The following LRRC8C variants were observed in gnomAD, a reference collection of about 807,000 sequenced individuals.
The protein encoded by LRRC8C is volume-regulated anion channel subunit LRRC8C.
A neutral mutation model predicts 55.3 loss-of-function variants in LRRC8C; 20 were observed. The ratio of observed to expected loss-of-function variants is 0.36; its 90% CI spans 0.25 to 0.53. The LOEUF is 0.53. Ranked by LOEUF, LRRC8C falls within the 20% of genes least tolerant of loss-of-function variation. LRRC8C has a pLI of 0.92. For missense variants in LRRC8C, 659 were observed against 951.4 expected (o/e 0.69, Z 4.04); for synonymous variants, 376 against 360.7 (o/e 1.04, Z -0.48).
At chr1:89,629,728 C>T (rs970162335), upstream of LRRC8C, 8 of 152,216 alleles carry the variant, frequency 5.3e-5, no homozygotes, top group African/African-American at 1.9e-4. Context: ...CCTGGAGAGG[C>T]TCCCAGACTC....
chr1:89,642,457 G>A (rs2101182220), intron 1 of LRRC8C, among the ~76,000 whole-genome samples: 1 of 152,346 alleles, frequency 6.6e-6, no homozygotes, highest in Non-Finnish European at 1.5e-5. Flanking sequence ...GCTCCTGCCT[G>A]TAATCCCAGC....
At chr1:89,675,878 C>T (rs1387347108) in intron 1 of LRRC8C, among the ~76,000 whole-genome samples, 1 of 152,026 alleles carries the variant, frequency 6.6e-6, no homozygotes, top group Non-Finnish European at 1.5e-5. Context: ...GAGAGCTGAG[C>T]CATTTCTGAG....
intron 2 of LRRC8C, among the ~76,000 whole-genome samples, chr1:89,704,576 T>A (rs549113621): frequency 6.6e-6 from 1 of 152,188 alleles, no homozygotes; most frequent in Admixed American, 6.5e-5. Context: ...ACACCAAACT[T>A]ATCAGGGCTC....
At chr1:89,645,970 T>TAGATAGATAGAA (rs1441327769) in intron 1 of LRRC8C, among the ~76,000 whole-genome samples, 1 of 151,898 alleles carries the variant, frequency 6.6e-6, no homozygotes, top group Non-Finnish European at 1.5e-5. Flanking sequence ...GATAGATAGA[T>TAGATAGATAGAA]AGATAGATAG....
intron 2 of LRRC8C, among the ~76,000 whole-genome samples, chr1:89,711,020 C>T (rs949644620): frequency 2.0e-5 from 3 of 152,100 alleles, no homozygotes; most frequent in Non-Finnish European, 4.4e-5. Flanking sequence ...AATTAATGCC[C>T]ATGACTTTAT....
intron 1 of LRRC8C, among the ~76,000 whole-genome samples, chr1:89,654,082 G>A (rs982103098): frequency 1.3e-5 from 2 of 152,114 alleles, no homozygotes; most frequent in African/African-American, 4.8e-5. Flanking sequence ...ATTCATCCAT[G>A]GAAAAGGATG....
Position 89,712,957 on chromosome 1 carries a change from C to T in LRRC8C, c.387C>T (p.Tyr129=), listed in dbSNP as rs761764133. The stretch of plus-strand genomic sequence containing the variant: ...ACTGGTATGCCAAGTATTTCCCTTA[C>T]CTTGTCCTCATCCATACCCTGGTCT... ...ALHWYAKYFP[Y]LVLIHTLVFM... Residue 129 remains tyrosine, a synonymous_variant, in exon 3 of 3, where the codon TAC becomes TAT. Coordinates refer to ENST00000370454, the MANE Select transcript of LRRC8C (RefSeq NM_032270.5). 1 of 1,613,654 alleles carries T rather than the reference C, an allele frequency of 6.2e-7. No homozygotes were observed. The highest frequency in any genetic ancestry group is 8.5e-7 in the Non-Finnish European group (1 of 1,180,024).
At chr1:89,643,601 T>C (rs1323047538) in intron 1 of LRRC8C, among the ~76,000 whole-genome samples, 1 of 152,264 alleles carries the variant, frequency 6.6e-6, no homozygotes, top group Admixed American at 6.5e-5. Flanking sequence ...GTAAAGTTTA[T>C]GTAAATGATC....
the LRRC8C span, among the ~76,000 whole-genome samples, chr1:89,617,528 C>G: frequency 6.6e-6 from 1 of 152,330 alleles, no homozygotes; most frequent in East Asian, 1.9e-4. Flanking sequence ...TCCATTGCAG[C>G]TATGCTATAC....
intron 2 of LRRC8C, chr1:89,706,313 G>A (rs1279587854): frequency 2.2e-6 from 1 of 456,156 alleles, no homozygotes; most frequent in Admixed American, 2.3e-5. Context: ...CAGTTTCTCT[G>A]AAGCTAAGTG....
chr1:89,641,584 G>A (rs1056262217), intron 1 of LRRC8C, among the ~76,000 whole-genome samples: 1 of 151,898 alleles, frequency 6.6e-6, no homozygotes, highest in Non-Finnish European at 1.5e-5. Context: ...TCTCAATTTA[G>A]ACAGTCTTTG....
chr1:89,659,054 TTTTTTTTTGTGTG>T (rs1422927976), intron 1 of LRRC8C, among the ~76,000 whole-genome samples: 9 of 88,898 alleles, frequency 1.0e-4, no homozygotes, highest in Middle Eastern at 5.6e-3. Context: ...CCAGGTTTTT[TTTTTTTTTGTGTG>T]TGTGTGTGTG....
intron 1 of LRRC8C, among the ~76,000 whole-genome samples, chr1:89,640,291 C>T (rs1656418395): frequency 6.6e-6 from 1 of 152,164 alleles, no homozygotes; most frequent in Non-Finnish European, 1.5e-5. Flanking sequence ...GCTTGAACTC[C>T]TGACCCCATG....
chr1:89,619,027 G>A, the LRRC8C span, among the ~76,000 whole-genome samples: 20 of 152,184 alleles, frequency 1.3e-4, no homozygotes, highest in Non-Finnish European at 2.6e-4. Flanking sequence ...ACAAATTTAT[G>A]AGGGATTTGA....
rs991805660 is a variant in LRRC8C at position 89,715,469 on chromosome 1, A to T, written c.*487A>T. On this transcript the variant is annotated 3_prime_UTR_variant, in exon 3 of 3. Transcript: ENST00000370454. ...AGACCTTCATTCAGTGGAACTTCAC[A>T]TAAGTGCATTGTCATAGAGTATTTT... 4 of 152,438 alleles carry T rather than the reference A, an allele frequency of 2.6e-5. No homozygotes were observed. Among genetic ancestry groups the T allele is most frequent in the African/African-American group, 9.7e-5 (4 of 41,444 alleles). The allele number at this position is 152,438 out of a possible 1,614,324, so 9.4% of individuals were successfully genotyped here. A position where few individuals can be genotyped will look rare whatever the true frequency, so the allele number is the denominator to read the frequency against.
intron 1 of LRRC8C, among the ~76,000 whole-genome samples, chr1:89,686,042 T>A (rs1657872227): frequency 7.1e-6 from 1 of 141,308 alleles, no homozygotes. Flanking sequence ...CACTTAAAAA[T>A]GGTTTAAAGC....
chr1:89,685,075 G>A (rs1374040364), intron 1 of LRRC8C, among the ~76,000 whole-genome samples: 1 of 143,888 alleles, frequency 6.9e-6, no homozygotes, highest in Admixed American at 6.9e-5. Context: ...TTGCTTTTAT[G>A]TGGGATGTTT....
intron 1 of LRRC8C, among the ~76,000 whole-genome samples, chr1:89,643,550 T>C (rs897009063): frequency 1.3e-5 from 2 of 152,272 alleles, no homozygotes; most frequent in African/African-American, 4.8e-5. Context: ...AGTGGAGTTA[T>C]ATACAAAAAG....
intron 1 of LRRC8C, among the ~76,000 whole-genome samples, chr1:89,679,173 G>A (rs1557658565): frequency 6.6e-6 from 1 of 152,172 alleles, no homozygotes; most frequent in African/African-American, 2.4e-5. Context: ...AGCCAGGGAA[G>A]TAGAAGGAAA....
Sources: gnomAD v4.1 joint callset for allele counts (sites outside exome capture counted in the v4.1 genomes callset) on GRCh38, gnomAD v4.1.1 for gene constraint, MANE v1.5 for transcripts, NCBI Gene and HGNC (gene_info 2026-07-23, HGNC 2026-07-21) for gene names.